Variants in IL4R observed in about 807,000 individuals in gnomAD.
IL4R encodes interleukin 4 receptor.
A neutral mutation model predicts 41.5 loss-of-function variants in IL4R; 17 were observed. The observed-to-expected ratio is 0.41, with a 90% CI of 0.28 to 0.61. IL4R has a LOEUF of 0.61. Among genes scored for constraint, IL4R ranks in the 20% least tolerant of loss-of-function variants. IL4R has a pLI of 0.31. For missense variants in IL4R, 974 were observed against 1,043.1 expected, an observed-to-expected ratio of 0.93 and a Z score of 0.91; for synonymous variants, 402 against 422.9, an observed-to-expected ratio of 0.95 and a Z score of 0.61.
Position 27,362,287 on chromosome 16 carries a change from G to A in IL4R, c.935G>A (p.Cys312Tyr). Residue 312 changes from cysteine to tyrosine, a missense_variant, in exon 11 of 11, where the codon TGT (cysteine) becomes TAT (tyrosine). Coordinates refer to ENST00000395762, the MANE Select transcript of IL4R (RefSeq NM_000418.4). The part of the protein sequence containing the change: ...WKNCLTKLLP[C>Y]FLEHNMKRDE... Reference sequence around the variant, plus strand: ...AATTGTCTTACCAAGCTCTTGCCCTGTTTTCTGGAGCACAACATGAAAAGG... The same window carrying A: ...AATTGTCTTACCAAGCTCTTGCCCTATTTTCTGGAGCACAACATGAAAAGG... 4.3e-6 allele frequency: 7 copies of A among 1,614,152 alleles called. No homozygotes were observed. Among genetic ancestry groups the A allele is most frequent in the Non-Finnish European group, 5.9e-6 (7 of 1,180,024 alleles).
At chr16:27,319,313 A>C (rs187088543) in intron 1 of IL4R, among the ~76,000 whole-genome samples, 1 of 152,250 alleles carries the variant, frequency 6.6e-6, no homozygotes, top group African/African-American at 2.4e-5. Flanking sequence ...AGCTACTCTC[A>C]TGCAAATGTT....
rs543864132 is a variant in IL4R, at chr16:27,358,994, G to A, written c.849G>A (p.Gln283=). ...RLVAIIIQDA[Q]GSQWEKRSRG... Reference sequence around the variant, plus strand: ...TGGCTATAATAATCCAGGATGCTCAGGTAGGAGTAGGCGTGGATGAGGACA... The same window carrying A: ...TGGCTATAATAATCCAGGATGCTCAAGTAGGAGTAGGCGTGGATGAGGACA... The change falls in exon 9 of 11, where the codon CAG becomes CAA. Residue 283 remains glutamine (Q), a splice_region_variant and synonymous_variant. Transcript: ENST00000395762. 6.2e-7 allele frequency: 1 copy of A among 1,611,782 alleles called. No homozygotes were observed. The highest frequency in any genetic ancestry group is 1.1e-5 in the South Asian group (1 of 91,002).
chr16:27,362,819 C>T lies in IL4R; in HGVS notation c.1467C>T (p.Leu489=), dbSNP rs374036968. ...ACCTGACTTGCACAGAGACGCCCCT[C>T]GTCATCGCAGGCAACCCTGCTTACC... The part of the protein sequence containing the change: ...PDNLTCTETP[L]VIAGNPAYRS... The change falls in exon 11 of 11, where the codon CTC becomes CTT. Residue 489 remains leucine, a synonymous_variant. Transcript: ENST00000395762. 9 of 1,614,056 alleles carry T rather than the reference C, an allele frequency of 5.6e-6. No homozygotes were observed. The highest frequency in any genetic ancestry group is 4.0e-5 in the African/African-American group (3 of 74,948).
chr16:27,362,070 C>A (rs998261328), intron 10 of IL4R, among the ~76,000 whole-genome samples, 182 bp from the exon 11 acceptor site: 5 of 152,182 alleles, frequency 3.3e-5, no homozygotes, highest in Non-Finnish European at 5.9e-5. Context: ...AAGACACAGA[C>A]CCTACCCTCA....
At position 27,363,892 on chromosome 16, in the gene IL4R, A is replaced by G. The variant is rs1256820613; in HGVS notation, c.*62A>G. The G allele has an allele frequency of 3.3e-6, 5 of 1,513,896 alleles. No individual in the cohort carries two copies. The highest frequency in any genetic ancestry group is 4.4e-6 in the Non-Finnish European group (5 of 1,134,682). The allele number at this position is 1,513,896 out of a possible 1,614,324, so 93.8% of individuals were successfully genotyped here. A position where few individuals can be genotyped will look rare whatever the true frequency, so the allele number is the denominator to read the frequency against. On this transcript the variant is annotated 3_prime_UTR_variant, in exon 11 of 11. Transcript: ENST00000395762. Reference sequence around the variant, plus strand: ...ACTAGGGCTTATCCATGCCTGGGAAATGCCACCTCCTGGAAGGCAGCCAGG... The same window carrying G: ...ACTAGGGCTTATCCATGCCTGGGAAGTGCCACCTCCTGGAAGGCAGCCAGG...
At chr16:27,315,900 C>T (rs2084633330) in intron 1 of IL4R, among the ~76,000 whole-genome samples, 1 of 152,156 alleles carries the variant, frequency 6.6e-6, no homozygotes, top group Admixed American at 6.5e-5. Flanking sequence ...CCATTTACAA[C>T]ACATGCAGTT....
intron 10 of IL4R, 71 bp downstream of exon 10, chr16:27,360,886 A>G: frequency 6.2e-7 from 1 of 1,613,210 alleles, no homozygotes; most frequent in Non-Finnish European, 8.5e-7. Flanking sequence ...GCAAGCCCCT[A>G]GCTCCATGTC....
chr16:27,342,126 A>G lies in IL4R; in HGVS notation c.76A>G (p.Met26Val), dbSNP rs553282601. 24 of 1,614,112 alleles carry G rather than the reference A, an allele frequency of 1.5e-5. No individual in the cohort carries two copies. Among genetic ancestry groups the G allele is most frequent in the East Asian group, 6.7e-5 (3 of 44,884 alleles). Residue 26 changes from methionine (M) to valine (V), a missense_variant, in exon 4 of 11, where the codon ATG becomes GTG. Physicochemically the swap from Met to Val is conservative, Grantham distance 21. Around this residue, in one of 3 missense-constraint regions of IL4R, gnomAD observed 284 missense variants for 313.4 expected, o/e 0.91. Transcript: ENST00000395762. ...VLLQVASSGN[M>V]KVLQEPTCVS... Reference sequence around the variant, plus strand: ...CTGCTCCTGTGTCTCCCCAGGGAACATGAAGGTCTTGCAGGAGCCCACCTG... The same window carrying G: ...CTGCTCCTGTGTCTCCCCAGGGAACGTGAAGGTCTTGCAGGAGCCCACCTG...
At chr16:27,341,527 A>G (rs1171921708) in intron 3 of IL4R, among the ~76,000 whole-genome samples, 1 of 152,120 alleles carries the variant, frequency 6.6e-6, no homozygotes, top group East Asian at 1.9e-4. Context: ...CATCCTGCCA[A>G]TTCCAGTCCT....
chr16:27,337,439 C>A (rs556335579), intron 2 of IL4R, among the ~76,000 whole-genome samples: 1 of 152,274 alleles, frequency 6.6e-6, no homozygotes, highest in South Asian at 2.1e-4. Context: ...GAACTACTCA[C>A]TAGCAGAACA....
chr16:27,320,806 A>G (rs1348438664), intron 1 of IL4R, among the ~76,000 whole-genome samples: 1 of 152,208 alleles, frequency 6.6e-6, no homozygotes, highest in East Asian at 1.9e-4. Flanking sequence ...TGGGCTGGGC[A>G]GGTCTCCAAG....
At chr16:27,343,806 A>G (rs1365573143) in intron 4 of IL4R, among the ~76,000 whole-genome samples, 1 of 152,238 alleles carries the variant, frequency 6.6e-6, no homozygotes, top group Non-Finnish European at 1.5e-5. Flanking sequence ...TAAGAGTTAA[A>G]TAATGTGTAC....
intron 1 of IL4R, among the ~76,000 whole-genome samples, chr16:27,319,437 C>T (rs2084747159): frequency 6.6e-6 from 1 of 152,150 alleles, no homozygotes; most frequent in African/African-American, 2.4e-5. Flanking sequence ...CAGTCCTCAC[C>T]ATGGTGTTTA....
chr16:27,346,863 A>C (rs564052024), intron 6 of IL4R, among the ~76,000 whole-genome samples: 1 of 152,340 alleles, frequency 6.6e-6, no homozygotes, highest in South Asian at 2.1e-4. Flanking sequence ...TCCTCTGTAA[A>C]GGTAGGGCTG....
chr16:27,332,405 A>G (rs2085136545), intron 2 of IL4R, among the ~76,000 whole-genome samples: 1 of 152,180 alleles, frequency 6.6e-6, no homozygotes, highest in Non-Finnish European at 1.5e-5. Flanking sequence ...TGTCACGAAA[A>G]CAGCATGGGG....
intron 9 of IL4R, chr16:27,359,743 A>G: frequency 2.2e-6 from 1 of 449,684 alleles, no homozygotes; most frequent in Admixed American, 2.4e-5. Flanking sequence ...AGATATTGGA[A>G]TTTATTGAGA....
chr16:27,360,206 G>T lies in IL4R; in HGVS notation c.850-560G>T, dbSNP rs192952825. On this transcript the variant is annotated intron_variant, in intron 9 of 10. Coordinates refer to ENST00000395762, the MANE Select transcript of IL4R (RefSeq NM_000418.4). Reference sequence around the variant, plus strand: ...ATTTTGTATTTTTAATAGAGATGGGGTTTCTTCATGTCGGTCAGGCTGGTC... The same window carrying T: ...ATTTTGTATTTTTAATAGAGATGGGTTTTCTTCATGTCGGTCAGGCTGGTC... Among the ~76,000 whole-genome samples, 87 of 152,252 alleles carry T rather than the reference G, an allele frequency of 5.7e-4. No homozygotes were observed. The East Asian group carries it at 0.015, about 26-fold the overall frequency.
intron 6 of IL4R, 137 bp downstream of exon 6, chr16:27,346,755 C>T: frequency 1.1e-6 from 1 of 935,650 alleles, no homozygotes; most frequent in Non-Finnish European, 1.6e-6. Context: ...AGCTAGAGAC[C>T]TGGCTTCTCA....
chr16:27,363,637 C>T lies in IL4R; in HGVS notation c.2285C>T (p.Pro762Leu). 6.2e-7 allele frequency: 1 copy of T among 1,613,754 alleles called. No homozygotes were observed. Among genetic ancestry groups the T allele is most frequent in the Non-Finnish European group, 8.5e-7 (1 of 1,179,820 alleles). Residue 762 changes from proline (P) to leucine (L), a missense_variant, in exon 11 of 11, where the codon CCA (proline) becomes CTA (leucine). Around this residue, in one of 3 missense-constraint regions of IL4R, gnomAD observed 682 missense variants for 704.3 expected, o/e 0.97. Coordinates refer to ENST00000395762, the MANE Select transcript of IL4R (RefSeq NM_000418.4). The part of the protein sequence containing the change: ...SSPPTTPLRA[P>L]DPSPGGVPLE... ...CCCCCTACAACCCCCCTGAGGGCCC[C>T]AGACCCCTCTCCAGGTGGGGTTCCA...
Sources: gnomAD v4.1 joint callset for allele counts (sites outside exome capture counted in the v4.1 genomes callset) on GRCh38, gnomAD v4.1.1 for gene constraint, gnomAD v4.1.1 regional missense constraint, MANE v1.5 for transcripts, NCBI Gene and HGNC (gene_info 2026-07-23, HGNC 2026-07-21) for gene names.